The following EPN2 variants were observed in gnomAD, a reference collection of about 807,000 sequenced individuals.
EPN2 encodes epsin 2, also known as epsin-2.
A neutral mutation model predicts 61.7 loss-of-function variants in EPN2; 34 were observed. That is an observed-to-expected ratio of 0.55 (90% confidence interval 0.42 to 0.73). The LOEUF is 0.73. Among genes scored for constraint, EPN2 ranks in the 30% least tolerant of loss-of-function variants. The pLI is 0.00. For synonymous variants in EPN2, 349 were observed against 353.6 expected, an observed-to-expected ratio of 0.99 and a Z score of 0.15; for missense variants, 714 against 839.2, an observed-to-expected ratio of 0.85 and a Z score of 1.84.
intron 1 of EPN2, among the ~76,000 whole-genome samples, chr17:19,259,357 GGCTGGAGTGCAGTGGCAC>G (rs1269645515): frequency 5.3e-5 from 7 of 132,550 alleles, no homozygotes; most frequent in African/African-American, 2.1e-4. Flanking sequence ...CTGTCACCCA[GGCTGGAGTGCAGTGGCAC>G]GATCTCGGCT....
rs183905739 is a variant in EPN2 at position 19,237,440 on chromosome 17, T to C, written c.-385T>C. 1.3e-4 allele frequency: 20 copies of C among 151,906 alleles called. No individual in the cohort carries two copies. Among genetic ancestry groups the C allele is most frequent in the African/African-American group, 4.8e-4 (20 of 41,434 alleles). 9.4% of individuals were successfully genotyped at this position (151,906 alleles called of 1,614,324 possible). ...TGTCAAACTGAGCCAGACGCGGCGG[T>C]GGCGGCGGCTCCGCGGGCTACGGTC... is the stretch of plus-strand genomic sequence containing the variant. On this transcript the variant is annotated 5_prime_UTR_variant, in exon 1 of 11. Coordinates refer to ENST00000314728, the MANE Select transcript of EPN2 (RefSeq NM_014964.5).
At chr17:19,289,724 G>GTTTTGTTTTTTTTTTTTTTTTTTTTTTTT (rs772230550) in intron 4 of EPN2, among the ~76,000 whole-genome samples, 13 of 78,048 alleles carry the variant, frequency 1.7e-4, no homozygotes, top group East Asian at 1.2e-3. Flanking sequence ...GGCGCTCATG[G>GTTTTGTTTTTTTTTTTTTTTTTTTTTTTT]TTTTTTTTTT....
chr17:19,307,223 A>G (rs1905886093), intron 4 of EPN2, among the ~76,000 whole-genome samples: 2 of 152,312 alleles, frequency 1.3e-5, no homozygotes, highest in African/African-American at 4.8e-5. Context: ...CTGAAGAGAT[A>G]CTTTGGGAAA....
At chr17:19,332,452 G>T (rs962727170) in intron 10 of EPN2, among the ~76,000 whole-genome samples, 1 of 152,122 alleles carries the variant, frequency 6.6e-6, no homozygotes, top group African/African-American at 2.4e-5. Flanking sequence ...CGGGAAAAAT[G>T]TAACTTAGCC....
At chr17:19,254,268 A>G (rs2045049352) in intron 1 of EPN2, among the ~76,000 whole-genome samples, 1 of 151,634 alleles carries the variant, frequency 6.6e-6, no homozygotes, top group Non-Finnish European at 1.5e-5. Flanking sequence ...TAGTAAATGT[A>G]ACAGAGCTCA....
intron 4 of EPN2, among the ~76,000 whole-genome samples, chr17:19,289,658 T>C (rs1295248696): frequency 6.6e-6 from 1 of 150,650 alleles, no homozygotes; most frequent in South Asian, 2.1e-4. Context: ...AGGCACACTT[T>C]GGAAGTTGTC....
At chr17:19,317,150 T>A (rs1242769643) in intron 7 of EPN2, among the ~76,000 whole-genome samples, 1 of 152,272 alleles carries the variant, frequency 6.6e-6, no homozygotes, top group Non-Finnish European at 1.5e-5. Context: ...AACACTGTTT[T>A]GAAAGCCACC....
chr17:19,329,900 C>T (rs1907079575), intron 9 of EPN2, among the ~76,000 whole-genome samples: 1 of 152,230 alleles, frequency 6.6e-6, no homozygotes, highest in South Asian at 2.1e-4. Flanking sequence ...GCCCCGGCCT[C>T]CTCAGCTCAG....
chr17:19,272,831 G>A (rs117831490), intron 1 of EPN2, among the ~76,000 whole-genome samples: 2,629 of 152,212 alleles, frequency 0.017, 64 homozygotes, highest in East Asian at 0.1. Context: ...CTGAGGGGGA[G>A]GTGCAGCTCC....
At chr17:19,292,071 G>T (rs1420389330) in intron 4 of EPN2, among the ~76,000 whole-genome samples, 1 of 152,192 alleles carries the variant, frequency 6.6e-6, no homozygotes, top group South Asian at 2.1e-4. Flanking sequence ...ACTCAAAGAT[G>T]TGGGAAAATA....
intron 1 of EPN2, among the ~76,000 whole-genome samples, chr17:19,267,561 AAGAC>A (rs1567848205): frequency 1.3e-5 from 2 of 151,864 alleles, no homozygotes; most frequent in Non-Finnish European, 2.9e-5. Flanking sequence ...TTTTTAAAAA[AAGAC>A]AGAGTTCCAC....
At chr17:19,245,142 C>G (rs1241912096) in intron 1 of EPN2, among the ~76,000 whole-genome samples, 2 of 152,164 alleles carry the variant, frequency 1.3e-5, no homozygotes, top group African/African-American at 4.8e-5. Flanking sequence ...CAGCTTACCT[C>G]TCTGTCAGGT....
intron 4 of EPN2, among the ~76,000 whole-genome samples, chr17:19,296,271 C>T (rs1016588824): frequency 1.3e-5 from 2 of 151,956 alleles, no homozygotes; most frequent in African/African-American, 4.8e-5. Flanking sequence ...ATGTCTCAGC[C>T]TCCCGAGTAG....
intron 7 of EPN2, 194 bp downstream of exon 7, chr17:19,313,473 T>C (rs887406391): frequency 9.4e-5 from 42 of 447,766 alleles, no homozygotes; most frequent in Non-Finnish European, 1.5e-4. Flanking sequence ...GTTCCCTCTT[T>C]GTTTTGAGTG....
intron 1 of EPN2, chr17:19,271,659 A>G (rs193225218): frequency 6.6e-6 from 1 of 152,440 alleles, no homozygotes; most frequent in East Asian, 1.9e-4. Flanking sequence ...TGCATTGTTC[A>G]GAAATCTACC....
intron 5 of EPN2, among the ~76,000 whole-genome samples, chr17:19,311,807 ACCTGAGCCATAGTCTC>A (rs1906150066): frequency 6.6e-6 from 1 of 152,242 alleles, no homozygotes; most frequent in African/African-American, 2.4e-5. Flanking sequence ...GTTTGGTGGT[ACCTGAGCCATAGTCTC>A]CCTGGTGTGA....
intron 1 of EPN2, among the ~76,000 whole-genome samples, chr17:19,255,435 A>ACTTTCTTT (rs779030156): frequency 2.1e-5 from 2 of 96,758 alleles, no homozygotes; most frequent in Non-Finnish European, 4.5e-5. Flanking sequence ...TTCTTCATTT[A>ACTTTCTTT]CTTTATTTAT....
Position 19,335,760 on chromosome 17 carries a change from A to G in EPN2, c.*1506A>G, listed in dbSNP as rs918118124. The G allele has an allele frequency of 6.8e-6, 2 of 294,830 alleles. No homozygotes were observed. Among genetic ancestry groups the G allele is most frequent in the African/African-American group, 4.3e-5 (2 of 46,898 alleles). 18.3% of individuals were successfully genotyped at this position (294,830 alleles called of 1,614,324 possible). The stretch of plus-strand genomic sequence containing the variant: ...GTCATTCACCTGGGAGGGATTTTTA[A>G]CAAACATGCACTAATATTACCTCCC... On this transcript the variant is annotated 3_prime_UTR_variant, in exon 11 of 11. Coordinates refer to ENST00000314728, the MANE Select transcript of EPN2 (RefSeq NM_014964.5).
chr17:19,289,237 A>G (rs1446834601), intron 4 of EPN2, among the ~76,000 whole-genome samples: 1 of 151,810 alleles, frequency 6.6e-6, no homozygotes, highest in East Asian at 1.9e-4. Context: ...GGCGCCCGCC[A>G]CCACGCCCGG....
Sources: gnomAD v4.1 joint callset for allele counts (sites outside exome capture counted in the v4.1 genomes callset) on GRCh38, gnomAD v4.1.1 for gene constraint, MANE v1.5 for transcripts, NCBI Gene and HGNC (gene_info 2026-07-23, HGNC 2026-07-21) for gene names.